The following DNAAF6 variants were observed in gnomAD, a reference collection of about 807,000 sequenced individuals.
DNAAF6 encodes PIH1 domain containing 3.
Under a neutral mutation model 13.7 loss-of-function variants are expected in DNAAF6, and 3 were observed. That is an observed-to-expected ratio of 0.22 (90% CI 0.10 to 0.56). DNAAF6 has a LOEUF of 0.56. Ranked by LOEUF, DNAAF6 falls within the 20% of genes least tolerant of loss-of-function variation. The pLI is 0.92. For synonymous variants in DNAAF6, 54 were observed against 49.2 expected, an observed-to-expected ratio of 1.10 and a Z score of -0.41; for missense variants, 130 against 151.0, an observed-to-expected ratio of 0.86 and a Z score of 0.73.
chrX:107,207,674 G>C (rs894583176), intron 1 of DNAAF6, among the ~76,000 whole-genome samples: 2 of 112,240 alleles, frequency 1.8e-5, no homozygotes, highest in Admixed American at 9.4e-5. Flanking sequence ...GCTCCCGCCT[G>C]TAATCCCAGC....
intron 4 of DNAAF6, among the ~76,000 whole-genome samples, chrX:107,220,527 T>C (rs1928099988): frequency 1.8e-5 from 2 of 112,007 alleles, no homozygotes; most frequent in South Asian, 7.6e-4. Flanking sequence ...GAAAATTGCT[T>C]TATAAGATTT....
At chrX:107,212,482 T>C (rs1927878723) in intron 1 of DNAAF6, among the ~76,000 whole-genome samples, 1 of 111,654 alleles carries the variant, frequency 9.0e-6, no homozygotes, top group Non-Finnish European at 1.9e-5. Flanking sequence ...TGCTCATGTC[T>C]AAAAAATATG....
At chrX:107,226,542 T>A (rs2000263) in intron 5 of DNAAF6, among the ~76,000 whole-genome samples, 2,393 of 111,713 alleles carry the variant, frequency 0.021, 111 homozygotes, top group East Asian at 0.14. Flanking sequence ...CTCCATAGGA[T>A]TATTTGTGGC....
intron 4 of DNAAF6, among the ~76,000 whole-genome samples, chrX:107,221,411 T>G (rs144258562): frequency 9.0e-6 from 1 of 110,750 alleles, no homozygotes; most frequent in Non-Finnish European, 1.9e-5. Flanking sequence ...CACACTTTAT[T>G]TTTGTGAAGA....
intron 5 of DNAAF6, 70 bp from the exon 6 acceptor site, chrX:107,238,852 A>T: frequency 8.5e-7 from 1 of 1,171,601 alleles, no homozygotes. Flanking sequence ...TTTTCCCCAT[A>T]TATTCTTATA....
intron 4 of DNAAF6, among the ~76,000 whole-genome samples, chrX:107,221,965 T>C (rs1481351704): frequency 1.8e-5 from 2 of 110,106 alleles, no homozygotes. Context: ...TTTGTTTCAT[T>C]CTATCTGAAG....
intron 2 of DNAAF6, among the ~76,000 whole-genome samples, chrX:107,213,297 T>G (rs1244950172): frequency 1.8e-5 from 2 of 112,473 alleles, no homozygotes; most frequent in African/African-American, 6.4e-5. Flanking sequence ...TGTTGTCATT[T>G]ATATTTATAG....
Position 107,221,551 on chromosome X carries a change from T to C in DNAAF6, c.333-1194T>C, listed in dbSNP as rs748966887. Reference sequence around the variant, plus strand: ...ACTAGCTGGTTTTTGATATGTACACTTTGAGTTGTCTTTGGGACATCCAGG... The same window carrying C: ...ACTAGCTGGTTTTTGATATGTACACCTTGAGTTGTCTTTGGGACATCCAGG... On this transcript the variant is annotated intron_variant, in intron 4 of 6. Coordinates refer to ENST00000372453, the MANE Select transcript of DNAAF6 (RefSeq NM_173494.2). Among the ~76,000 whole-genome samples, 6 of 111,873 alleles carry C rather than the reference T, an allele frequency of 5.4e-5. No homozygotes were observed. In the South Asian group the frequency reaches 2.3e-3, roughly 42 times the overall value.
chrX:107,213,100 T>A (rs1927898462), intron 2 of DNAAF6, 72 bp downstream of exon 2: 1 of 1,029,373 alleles, frequency 9.7e-7, no homozygotes, highest in African/African-American at 1.9e-5. Context: ...AATAACCTGT[T>A]CCCACCTAGC....
chrX:107,234,171 T>G (rs1928469642), intron 5 of DNAAF6, among the ~76,000 whole-genome samples: 2 of 111,773 alleles, frequency 1.8e-5, no homozygotes, highest in African/African-American at 6.5e-5. Context: ...GGTGTGGCAA[T>G]ATAGTACTGG....
chrX:107,220,902 CCTTTCTTT>C (rs200337352), intron 4 of DNAAF6, among the ~76,000 whole-genome samples: 14,966 of 86,938 alleles, frequency 0.17, 1,152 homozygotes, highest in Non-Finnish European at 0.19. Flanking sequence ...TTTCTTTCTC[CCTTTCTTT>C]CTTTCTTTCT....
At chrX:107,212,740 A>T (rs1927885623) in intron 1 of DNAAF6, 133 bp from the exon 2 acceptor site, 1 of 802,371 alleles carries the variant, frequency 1.2e-6, no homozygotes, top group African/African-American at 2.1e-5. Flanking sequence ...AGGAGTTTAA[A>T]AGGATTTCCA....
intron 3 of DNAAF6, among the ~76,000 whole-genome samples, chrX:107,218,245 A>G (rs1028723117): frequency 1.8e-5 from 2 of 111,873 alleles, no homozygotes; most frequent in Non-Finnish European, 3.8e-5. Context: ...CAGAAACCCA[A>G]CCTCATGCTC....
chrX:107,229,282 C>T (rs984672158), intron 5 of DNAAF6, among the ~76,000 whole-genome samples: 2 of 106,798 alleles, frequency 1.9e-5, no homozygotes, highest in Non-Finnish European at 3.9e-5. Flanking sequence ...GGACAACAGG[C>T]ACGCGCCACT....
intron 5 of DNAAF6, among the ~76,000 whole-genome samples, chrX:107,237,459 A>T (rs1356721572): frequency 8.9e-6 from 1 of 112,543 alleles, no homozygotes; most frequent in Non-Finnish European, 1.9e-5. Context: ...AAGAGAAAGC[A>T]TGTAGAGAGT....
At chrX:107,238,806 T>C (rs1253723235) in intron 5 of DNAAF6, 116 bp from the exon 6 acceptor site, 5 of 1,086,336 alleles carry the variant, frequency 4.6e-6, no homozygotes, top group Non-Finnish European at 6.1e-6. Flanking sequence ...AGATAGGGCA[T>C]AGCCTGGCAC....
rs1389005576 is a variant in DNAAF6 at position 107,243,206 on chromosome X, A to C, written c.553A>C (p.Thr185Pro). 11 of 1,207,054 alleles carry C rather than the reference A, an allele frequency of 9.1e-6. No individual in the cohort carries two copies. In the Middle Eastern group the frequency reaches 1.6e-3, roughly 178 times the overall value. ...LITLPELVEC[T>P]SAKAFYIPET... ...AACTCTTCCTGAGCTGGTGGAATGT[A>C]CCAGTGCCAAAGCATTCTATATCCC... is the stretch of plus-strand genomic sequence containing the variant. Residue 185 changes from threonine (T) to proline (P), a missense_variant, in exon 7 of 7, where the codon ACC (threonine) becomes CCC (proline). Coordinates refer to ENST00000372453, the MANE Select transcript of DNAAF6 (RefSeq NM_173494.2).
At chrX:107,220,050 C>T (rs1265624073) in intron 4 of DNAAF6, among the ~76,000 whole-genome samples, 1 of 111,796 alleles carries the variant, frequency 8.9e-6, no homozygotes, top group Admixed American at 9.5e-5. Context: ...CCGCCCGCCT[C>T]AGCCTCCCAA....
rs1053512989 is a variant in DNAAF6 at position 107,224,933 on chromosome X, G to C, written c.429+2092G>C. Among the ~76,000 whole-genome samples the C allele has an allele frequency of 2.8e-5, 3 of 108,144 alleles. No homozygotes were observed. In the South Asian group the frequency reaches 1.2e-3, roughly 45 times the overall value. The allele number at this position is 108,144 out of a possible 115,157, so 93.9% of individuals were successfully genotyped here. ...TATGTACCCATAAAAATTAAAGATA[G>C]AAAAATAAAGACATATATCAGGTAC... On this transcript the variant is annotated intron_variant, in intron 5 of 6. Transcript: ENST00000372453.
Sources: allele counts gnomAD v4.1 joint callset (sites outside exome capture counted in the v4.1 genomes callset), GRCh38; gene constraint gnomAD v4.1.1; transcripts MANE v1.5; gene names NCBI Gene and HGNC (gene_info 2026-07-23, HGNC 2026-07-21).